NR2C2: variants seen among roughly 807,000 people sequenced by gnomAD.
NR2C2 encodes the protein Nuclear hormone receptor TR4.
NR2C2 carries 6 observed loss-of-function variants against 62.9 expected under a neutral mutation model. The ratio of observed to expected loss-of-function variants is 0.10; its 90% confidence interval spans 0.05 to 0.19. The LOEUF is 0.19. NR2C2 is among the 10% of genes least tolerant of loss of function. The pLI is 1.00. For missense variants in NR2C2, 479 were observed against 762.7 expected (o/e 0.63, Z 4.38); for synonymous variants, 272 against 273.8 (o/e 0.99, Z 0.07).
intron 1 of NR2C2, among the ~76,000 whole-genome samples, chr3:14,972,758 C>T (rs1277844207): frequency 6.6e-6 from 1 of 152,078 alleles, no homozygotes; most frequent in Non-Finnish European, 1.5e-5. Context: ...TCTGGGGAGG[C>T]CTCAGAGAGC....
At chr3:14,969,514 T>C (rs1245725888) in intron 1 of NR2C2, among the ~76,000 whole-genome samples, 3 of 152,214 alleles carry the variant, frequency 2.0e-5, no homozygotes, top group Non-Finnish European at 4.4e-5. Flanking sequence ...GTGCTGGGAT[T>C]ACAGGCGTGA....
At chr3:15,025,030 G>C (rs1411495386) in intron 7 of NR2C2, among the ~76,000 whole-genome samples, 1 of 152,222 alleles carries the variant, frequency 6.6e-6, no homozygotes, top group Non-Finnish European at 1.5e-5. Flanking sequence ...GCATGCCTTG[G>C]TCCTCAGGCT....
intron 1 of NR2C2, among the ~76,000 whole-genome samples, chr3:14,956,591 T>A (rs2125228669): frequency 6.6e-6 from 1 of 152,360 alleles, no homozygotes; most frequent in South Asian, 2.1e-4. Flanking sequence ...TTGCCCAGGC[T>A]GGAGTGCAGT....
At chr3:15,037,883 A>G in intron 11 of NR2C2, 117 bp from the exon 12 acceptor site, 6 of 1,098,494 alleles carry the variant, frequency 5.5e-6, no homozygotes, top group Non-Finnish European at 7.8e-6. Context: ...CCTTGAGATT[A>G]CTGATTTTTC....
chr3:15,028,463 C>A (rs768538207), intron 7 of NR2C2, 123 bp from the exon 8 acceptor site: 1 of 789,052 alleles, frequency 1.3e-6, no homozygotes, highest in Non-Finnish European at 2.0e-6. Context: ...CTCGTGTTGC[C>A]CCTTTGTAGT....
chr3:15,042,701 A>G (rs2042311890), intron 13 of NR2C2, 133 bp from the exon 14 acceptor site: 1 of 723,014 alleles, frequency 1.4e-6, no homozygotes. Flanking sequence ...GAAATCAGAA[A>G]AGAGAGGTGG....
intron 1 of NR2C2, among the ~76,000 whole-genome samples, chr3:14,984,772 C>A (rs549404938): frequency 5.9e-5 from 9 of 151,874 alleles, no homozygotes; most frequent in African/African-American, 2.2e-4. Context: ...TTTGTGAGAA[C>A]ATATGCTTTT....
intron 1 of NR2C2, among the ~76,000 whole-genome samples, chr3:14,985,891 G>A (rs1254196534): frequency 6.6e-6 from 1 of 152,144 alleles, no homozygotes; most frequent in African/African-American, 2.4e-5. Context: ...ACTAGAAGTA[G>A]AATTTGAAAT....
Position 15,013,555 on chromosome 3 carries a change from T to C in NR2C2, c.73-34T>C, listed in dbSNP as rs543374295. ...TGCAAATGCATGGGTCTTGTGACACTCCATGAGAGCAGCCTCCATGTTGTG... is the reference window on the plus strand; with the variant it reads ...TGCAAATGCATGGGTCTTGTGACACCCCATGAGAGCAGCCTCCATGTTGTG... On this transcript the variant is annotated intron_variant, in intron 2 of 13. Transcript: ENST00000425241. The C allele has an allele frequency of 4.1e-5, 66 of 1,595,924 alleles. No homozygotes were observed. In the East Asian group the frequency reaches 9.4e-4, roughly 23 times the overall value.
intron 1 of NR2C2, among the ~76,000 whole-genome samples, chr3:15,001,283 TA>T (rs1488572134): frequency 2.7e-5 from 4 of 150,120 alleles, no homozygotes; most frequent in African/African-American, 9.7e-5. Context: ...TGCTAATATA[TA>T]AAAATACAAT....
intron 11 of NR2C2, among the ~76,000 whole-genome samples, chr3:15,035,234 G>T (rs923284311): frequency 3.9e-5 from 6 of 152,216 alleles, no homozygotes; most frequent in African/African-American, 9.7e-5. Flanking sequence ...TGAGGCTGCA[G>T]TGAGCTGTGA....
chr3:14,987,959 A>G (rs536574453), intron 1 of NR2C2, among the ~76,000 whole-genome samples: 2 of 152,338 alleles, frequency 1.3e-5, no homozygotes, highest in African/African-American at 2.4e-5. Context: ...ATTTTTCTGT[A>G]TCCCGGAAAC....
At chr3:14,962,800 T>C (rs1046448149) in intron 1 of NR2C2, among the ~76,000 whole-genome samples, 3 of 152,088 alleles carry the variant, frequency 2.0e-5, no homozygotes, top group East Asian at 3.9e-4. Flanking sequence ...AATCTCTTAG[T>C]TTCTCGTACG....
At chr3:15,041,909 C>T (rs28400318) in intron 13 of NR2C2, among the ~76,000 whole-genome samples, 9,155 of 152,170 alleles carry the variant, frequency 0.06, 338 homozygotes, top group East Asian at 0.13. Flanking sequence ...TAACATTTTG[C>T]GTATTCACTT....
intron 1 of NR2C2, among the ~76,000 whole-genome samples, chr3:14,957,039 A>C (rs1336735830): frequency 6.6e-6 from 1 of 152,242 alleles, no homozygotes; most frequent in Non-Finnish European, 1.5e-5. Context: ...CCCAAGCACA[A>C]CGTATACACA....
At chr3:14,969,846 C>A (rs1423174599) in intron 1 of NR2C2, among the ~76,000 whole-genome samples, 1 of 152,150 alleles carries the variant, frequency 6.6e-6, no homozygotes, top group Non-Finnish European at 1.5e-5. Flanking sequence ...AGAAAACTTA[C>A]ACTAACATTT....
chr3:15,042,698 GAA>G, intron 13 of NR2C2, 134 bp from the exon 14 acceptor site: 2 of 712,582 alleles, frequency 2.8e-6, no homozygotes, highest in East Asian at 5.2e-5. Context: ...GTTGAAATCA[GAA>G]AAGAGAGGTG....
chr3:15,010,171 G>A (rs1037956488), intron 2 of NR2C2, among the ~76,000 whole-genome samples: 3 of 152,124 alleles, frequency 2.0e-5, no homozygotes, highest in African/African-American at 7.2e-5. Context: ...CTTGCAATTT[G>A]ATGTGTCCTC....
chr3:14,948,789 A>C (rs1176325004), intron 1 of NR2C2: 1 of 152,288 alleles, frequency 6.6e-6, no homozygotes, highest in Non-Finnish European at 1.5e-5. Flanking sequence ...GAACCAGGAC[A>C]CTTTTCAGGG....
Sources: allele counts gnomAD v4.1 joint callset (sites outside exome capture counted in the v4.1 genomes callset), GRCh38; gene constraint gnomAD v4.1.1; transcripts MANE v1.5; gene names NCBI Gene and HGNC (gene_info 2026-07-23, HGNC 2026-07-21).